Variants in ZNRF1 observed in about 807,000 individuals in gnomAD.
The protein encoded by ZNRF1 is zinc and ring finger 1, also known as E3 ubiquitin-protein ligase ZNRF1.
A neutral mutation model predicts 18.4 loss-of-function variants in ZNRF1; 3 were observed. That is an observed-to-expected ratio of 0.16 (90% CI 0.07 to 0.42). ZNRF1 has a LOEUF of 0.42. Ranked by LOEUF, ZNRF1 falls within the 10% of genes least tolerant of loss-of-function variation. The probability of loss-of-function intolerance (pLI) is 0.99; values close to 1 mark genes in which losing one functional copy is unlikely to be tolerated. For missense variants in ZNRF1, 310 were observed against 329.8 expected (o/e 0.94, Z 0.47); for synonymous variants, 157 against 144.2 (o/e 1.09, Z -0.64).
At chr16:75,086,620 C>T (rs953078560) in intron 1 of ZNRF1, among the ~76,000 whole-genome samples, 3 of 152,200 alleles carry the variant, frequency 2.0e-5, no homozygotes, top group Non-Finnish European at 2.9e-5. Flanking sequence ...AGTGTTACCC[C>T]TTGATCTTTT....
At chr16:75,075,672 A>G (rs1241978569) in intron 1 of ZNRF1, among the ~76,000 whole-genome samples, 3 of 152,250 alleles carry the variant, frequency 2.0e-5, no homozygotes, top group Admixed American at 1.3e-4. Flanking sequence ...CTACAGCAGT[A>G]AAATAAACAG....
chr16:75,034,860 C>G (rs995020357), intron 1 of ZNRF1, among the ~76,000 whole-genome samples: 5 of 152,096 alleles, frequency 3.3e-5, no homozygotes, highest in African/African-American at 1.2e-4. Context: ...CTCCTGGCCT[C>G]AAGTGATCCA....
chr16:75,028,664 C>G (rs1240867978), intron 1 of ZNRF1, among the ~76,000 whole-genome samples: 3 of 152,226 alleles, frequency 2.0e-5, no homozygotes, highest in Non-Finnish European at 4.4e-5. Context: ...TTTTCTTCTT[C>G]CATCCTCCTT....
chr16:75,050,578 A>G (rs2035582287), intron 1 of ZNRF1, among the ~76,000 whole-genome samples: 1 of 150,998 alleles, frequency 6.6e-6, no homozygotes, highest in Non-Finnish European at 1.5e-5. Flanking sequence ...AAATAAAAAT[A>G]CTTGTAGCCG....
intron 1 of ZNRF1, among the ~76,000 whole-genome samples, chr16:75,035,690 T>A (rs1473805703): frequency 6.6e-6 from 1 of 152,210 alleles, no homozygotes; most frequent in Non-Finnish European, 1.5e-5. Flanking sequence ...GTTGGCATGC[T>A]TCGGGGTCTT....
rs773539294 is a variant in ZNRF1 at position 75,106,578 on chromosome 16, C to T, written c.*32+7C>T. 2 of 1,613,426 alleles carry T rather than the reference C, an allele frequency of 1.2e-6. No homozygotes were observed. Among genetic ancestry groups the T allele is most frequent in the South Asian group, 2.2e-5 (2 of 91,064 alleles). ...TTGCTGACTCCTCTCAAAGGTGAGC[C>T]CGCGTTTGGGGGTGCTCCGGGCTCA... On this transcript the variant is annotated splice_region_variant and intron_variant, in intron 4 of 4. Coordinates refer to ENST00000335325, the MANE Select transcript of ZNRF1 (RefSeq NM_032268.5).
chr16:75,075,046 G>A (rs901433796), intron 1 of ZNRF1, among the ~76,000 whole-genome samples: 3 of 134,020 alleles, frequency 2.2e-5, no homozygotes, highest in Non-Finnish European at 4.7e-5. Context: ...ATAAGCCCAG[G>A]TCACCATGCT....
intron 1 of ZNRF1, among the ~76,000 whole-genome samples, chr16:75,060,134 A>T (rs547251431): frequency 1.3e-5 from 2 of 151,768 alleles, no homozygotes; most frequent in African/African-American, 2.4e-5. Flanking sequence ...GCTCACTGCA[A>T]CCTCCGCCTC....
intron 1 of ZNRF1, among the ~76,000 whole-genome samples, chr16:75,058,102 TTTTC>T (rs1313701269): frequency 1.9e-5 from 1 of 53,090 alleles, no homozygotes; most frequent in African/African-American, 5.9e-5. Context: ...TTTCCTTTCC[TTTTC>T]TTTTTTTTTT....
At chr16:75,000,917 A>G (rs948329282) in intron 1 of ZNRF1, among the ~76,000 whole-genome samples, 4 of 152,106 alleles carry the variant, frequency 2.6e-5, no homozygotes, top group Admixed American at 2.0e-4. Context: ...GAGGATTCAG[A>G]GAATCTGGAT....
chr16:75,016,728 A>G, intron 1 of ZNRF1, among the ~76,000 whole-genome samples: 1 of 114,438 alleles, frequency 8.7e-6, no homozygotes. Flanking sequence ...TTGTATGAGT[A>G]GAGATGGGGT....
At chr16:75,106,214 T>G in intron 3 of ZNRF1, 1 of 461,314 alleles carries the variant, frequency 2.2e-6, no homozygotes, top group Non-Finnish European at 4.0e-6. Flanking sequence ...CTTTGGTCCT[T>G]CTGAAAGCCA....
Position 74,999,284 on chromosome 16 carries a change from C to A in ZNRF1, c.-388C>A, listed in dbSNP as rs1252500524. 6.7e-6 allele frequency: 1 copy of A among 148,186 alleles called. No homozygotes were observed. Among genetic ancestry groups the A allele is most frequent in the African/African-American group, 2.4e-5 (1 of 40,962 alleles). The allele number at this position is 148,186 out of a possible 1,614,324, so 9.2% of individuals were successfully genotyped here. On this transcript the variant is annotated 5_prime_UTR_variant, in exon 1 of 5. Transcript: ENST00000335325. Reference sequence around the variant, plus strand: ...CCTCCGCCTCCTCCCGCGGGGCGGGCGGCCTCCTCCGGCGCCTCCCCGCGC... The same window carrying A: ...CCTCCGCCTCCTCCCGCGGGGCGGGAGGCCTCCTCCGGCGCCTCCCCGCGC...
intron 1 of ZNRF1, among the ~76,000 whole-genome samples, chr16:75,013,596 T>A (rs1311294439): frequency 6.6e-6 from 1 of 152,182 alleles, no homozygotes; most frequent in Non-Finnish European, 1.5e-5. Flanking sequence ...CCACCCGCCT[T>A]GGCCTCCCAG....
Position 75,108,476 on chromosome 16 carries a change from A to G in ZNRF1, c.*776A>G, listed in dbSNP as rs2145434920. On this transcript the variant is annotated 3_prime_UTR_variant, in exon 5 of 5. Transcript: ENST00000335325. ...TTTCAGAAAACTTAAACAAAAAAAG[A>G]CTTACTAAGAAATATGTACAGCTAC... 2.5e-6 allele frequency: 1 copy of G among 398,338 alleles called. No homozygotes were observed. Among genetic ancestry groups the G allele is most frequent in the Non-Finnish European group, 4.4e-6 (1 of 225,872 alleles). The allele number at this position is 398,338 out of a possible 1,614,324, so 24.7% of individuals were successfully genotyped here.
At chr16:75,067,223 G>T (rs758879126) in intron 1 of ZNRF1, among the ~76,000 whole-genome samples, 1 of 152,162 alleles carries the variant, frequency 6.6e-6, no homozygotes, top group Non-Finnish European at 1.5e-5. Context: ...CACAGCGCTT[G>T]TCCCAAAAGA....
chr16:75,063,856 G>C (rs764329824), intron 1 of ZNRF1, among the ~76,000 whole-genome samples: 2 of 152,172 alleles, frequency 1.3e-5, no homozygotes, highest in African/African-American at 4.8e-5. Flanking sequence ...GTGGCCTTTT[G>C]GGTTGGCTGT....
At chr16:75,069,474 C>T (rs895064862) in intron 1 of ZNRF1, among the ~76,000 whole-genome samples, 7 of 152,218 alleles carry the variant, frequency 4.6e-5, no homozygotes, top group East Asian at 3.9e-4. Context: ...AGTACAGTGG[C>T]GCGATCTCGG....
At chr16:75,010,108 G>C (rs1198357468) in intron 1 of ZNRF1, among the ~76,000 whole-genome samples, 2 of 152,008 alleles carry the variant, frequency 1.3e-5, no homozygotes, top group Admixed American at 6.6e-5. Context: ...TCAGCCTCCA[G>C]AGTAGCTGGG....
Sources: gnomAD v4.1 joint callset for allele counts (sites outside exome capture counted in the v4.1 genomes callset) on GRCh38, gnomAD v4.1.1 for gene constraint, MANE v1.5 for transcripts, NCBI Gene and HGNC (gene_info 2026-07-23, HGNC 2026-07-21) for gene names.